Variants in CACNA1H observed in about 807,000 individuals in gnomAD.
The protein encoded by CACNA1H is calcium voltage-gated channel subunit alpha1 H.
A neutral mutation model predicts 192.5 loss-of-function variants in CACNA1H; 149 were observed. The ratio of observed to expected loss-of-function variants is 0.77; its 90% CI spans 0.68 to 0.89. The LOEUF is 0.89. CACNA1H is among the 40% of genes least tolerant of loss of function. The pLI is 0.00. For synonymous variants in CACNA1H, 2,202 were observed against 1,475.2 expected (o/e 1.49, Z -11.29); for missense variants, 4,257 against 3,423.5 (o/e 1.24, Z -6.08).
In CACNA1H at chr16:1,208,336, C is replaced by G. The variant is rs1276178321; in HGVS notation, c.3363+115C>G. On this transcript the variant is annotated intron_variant, in intron 16 of 34. Transcript: ENST00000348261. ...CGCACCCCCCACACCCTTGAAGTCC[C>G]AGCCTGTGCAGAGACTGAGAAAGAG... The G allele has an allele frequency of 4.1e-6, 3 of 730,066 alleles. No individual in the cohort carries two copies. The Admixed American group carries it at 8.1e-5, about 20-fold the overall frequency. The allele number at this position is 730,066 out of a possible 1,614,324, so 45.2% of individuals were successfully genotyped here.
At chr16:1,158,734 TG>T (rs1417505038) in intron 2 of CACNA1H, among the ~76,000 whole-genome samples, 2 of 152,102 alleles carry the variant, frequency 1.3e-5, no homozygotes, top group East Asian at 3.9e-4. Flanking sequence ...CATGTGACCT[TG>T]GTGCTCTTGG....
intron 27 of CACNA1H, among the ~76,000 whole-genome samples, chr16:1,214,664 G>A (rs989164574): frequency 2.0e-5 from 3 of 152,200 alleles, no homozygotes; most frequent in East Asian, 1.9e-4. Flanking sequence ...GTGCACAGAC[G>A]GCTGCAGGGT....
chr16:1,185,683 C>G (rs1346706242), intron 2 of CACNA1H, among the ~76,000 whole-genome samples: 226 of 15,162 alleles, frequency 0.015, 10 homozygotes, highest in Non-Finnish European at 0.032. Flanking sequence ...GGGGTGTGTA[C>G]GGGGCGGGTG....
rs765008315 is a variant in CACNA1H at position 1,220,435 on chromosome 16, C to T, written c.6503C>T (p.Ala2168Val). The change falls in exon 35 of 35, where the codon GCG (alanine) becomes GTG (valine). Residue 2168 changes from alanine (A) to valine (V), a missense_variant. Ala to Val is a moderately conservative substitution (Grantham distance 64). Coordinates refer to ENST00000348261, the MANE Select transcript of CACNA1H (RefSeq NM_021098.3). ...AELGSGEPGEAKAWGPEAEPA... is the reference protein window; with the variant it reads ...AELGSGEPGEVKAWGPEAEPA... ...CTGGGCAGCGGGGAGCCTGGGGAGG[C>T]GAAGGCCTGGGGCCCTGAGGCCGAG... 2.0e-5 allele frequency: 31 copies of T among 1,535,648 alleles called. No individual in the cohort carries two copies. Among genetic ancestry groups the T allele is most frequent in the African/African-American group, 5.6e-5 (4 of 71,156 alleles).
chr16:1,200,686 C>G (rs780717105), intron 7 of CACNA1H, 30 bp from the exon 8 acceptor site: 1 of 1,563,356 alleles, frequency 6.4e-7, no homozygotes, highest in Non-Finnish European at 8.7e-7. Context: ...AGGGGTCGTG[C>G]GGGCCCAAGT....
intron 2 of CACNA1H, among the ~76,000 whole-genome samples, chr16:1,182,514 C>T (rs1965577732): frequency 6.6e-6 from 1 of 152,142 alleles, no homozygotes; most frequent in South Asian, 2.1e-4. Flanking sequence ...TGGAGACAAA[C>T]ACTCCATGTT....
chr16:1,156,297 G>C (rs541720888), intron 2 of CACNA1H, among the ~76,000 whole-genome samples: 1 of 152,246 alleles, frequency 6.6e-6, no homozygotes, highest in South Asian at 2.1e-4. Flanking sequence ...AACGCCCGTC[G>C]GTCAGGTGGA....
At position 1,200,196 on chromosome 16, in the gene CACNA1H, C is replaced by T. The variant is rs186613140; in HGVS notation, c.804-60C>T. ...ACGTCCCTGATCACAATCGTGCCCC[C>T]GACTCTGACCGTCCCTGACCCTGAT... is the stretch of plus-strand genomic sequence containing the variant. On this transcript the variant is annotated intron_variant, in intron 6 of 34. Coordinates refer to ENST00000348261, the MANE Select transcript of CACNA1H (RefSeq NM_021098.3). 72 of 1,402,404 alleles carry T rather than the reference C, an allele frequency of 5.1e-5. No individual in the cohort carries two copies. In the Admixed American group the frequency reaches 5.3e-4, roughly 10 times the overall value. The allele number at this position is 1,402,404 out of a possible 1,614,324, so 86.9% of individuals were successfully genotyped here.
chr16:1,173,882 G>A (rs758610475), intron 2 of CACNA1H, among the ~76,000 whole-genome samples: 1 of 152,168 alleles, frequency 6.6e-6, no homozygotes, highest in South Asian at 2.1e-4. Flanking sequence ...CGTCACGTGG[G>A]GCTGTGGACA....
Position 1,207,385 on chromosome 16 carries a change from C to T in CACNA1H, c.3018C>T (p.Leu1006=), listed in dbSNP as rs754593896. The change falls in exon 14 of 35, where the codon CTC becomes CTT. Residue 1006 remains leucine (L), a synonymous_variant. Coordinates refer to ENST00000348261, the MANE Select transcript of CACNA1H (RefSeq NM_021098.3). Reference sequence around the variant, plus strand: ...TCATGACCTTCGGCAACTATGTGCTCTTCAACCTGCTGGTGGCCATCCTCG... The same window carrying T: ...TCATGACCTTCGGCAACTATGTGCTTTTCAACCTGCTGGTGGCCATCCTCG... The part of the protein sequence containing the change: ...VALMTFGNYV[L]FNLLVAILVE... The T allele has an allele frequency of 3.1e-6, 5 of 1,613,330 alleles. No homozygotes were observed. Among genetic ancestry groups the T allele is most frequent in the South Asian group, 1.1e-5 (1 of 91,070 alleles).
At chr16:1,186,350 C>T (rs1001472844) in intron 2 of CACNA1H, among the ~76,000 whole-genome samples, 2 of 152,000 alleles carry the variant, frequency 1.3e-5, no homozygotes, top group Non-Finnish European at 2.9e-5. Flanking sequence ...TCCAGCCTGC[C>T]GTGACCGCAC....
At chr16:1,209,951 G>T in intron 17 of CACNA1H, 84 bp from the exon 18 acceptor site, 3 of 1,007,274 alleles carry the variant, frequency 3.0e-6, no homozygotes, top group South Asian at 2.8e-5. Context: ...GCTGGGAGGG[G>T]TGGCCGAGCT....
rs915979572 is a variant in CACNA1H at position 1,217,767 on chromosome 16, G to T, written c.5324-152G>T. Among the ~76,000 whole-genome samples the T allele has an allele frequency of 1.3e-4, 20 of 152,352 alleles. No individual in the cohort carries two copies. The South Asian group carries it at 4.1e-3, about 32-fold the overall frequency. ...GACCTCACACCCAGGGTCACCCTCT[G>T]CCAGGCAGGGCGAACCGCCAGGGCC... is the stretch of plus-strand genomic sequence containing the variant. On this transcript the variant is annotated intron_variant, in intron 31 of 34. Transcript: ENST00000348261.
intron 2 of CACNA1H, among the ~76,000 whole-genome samples, chr16:1,161,045 C>T (rs998879907): frequency 1.3e-5 from 2 of 152,132 alleles, no homozygotes; most frequent in African/African-American, 4.8e-5. Flanking sequence ...TCCTCTGACC[C>T]CCAAGGTGTG....
At chr16:1,183,008 G>C (rs1172810969) in intron 2 of CACNA1H, among the ~76,000 whole-genome samples, 2 of 151,986 alleles carry the variant, frequency 1.3e-5, no homozygotes, top group Non-Finnish European at 1.5e-5. Context: ...TCCAGGGCTG[G>C]TACAGGTACC....
intron 12 of CACNA1H, chr16:1,206,648 G>T: frequency 2.4e-6 from 1 of 414,826 alleles, no homozygotes; most frequent in Non-Finnish European, 4.4e-6. Context: ...GGTCAGGGTC[G>T]GCTGGAGGCT....
At chr16:1,182,542 C>T (rs979864837) in intron 2 of CACNA1H, among the ~76,000 whole-genome samples, 7 of 152,144 alleles carry the variant, frequency 4.6e-5, no homozygotes, top group Non-Finnish European at 1.0e-4. Context: ...TGCCCGGGCT[C>T]CCCACCCCCA....
chr16:1,179,934 ACCAT>A (rs1369911692), intron 2 of CACNA1H, among the ~76,000 whole-genome samples: 1 of 151,178 alleles, frequency 6.6e-6, no homozygotes, highest in Non-Finnish European at 1.5e-5. Flanking sequence ...ACGGGGTTTC[ACCAT>A]CTTGGCCAGG....
At chr16:1,191,540 A>C (rs1737406) in intron 2 of CACNA1H, among the ~76,000 whole-genome samples, 4 of 30,022 alleles carry the variant, frequency 1.3e-4, no homozygotes, top group Non-Finnish European at 6.0e-5. Context: ...GTGTGGCCTC[A>C]GGCACACTCG....
Sources: gnomAD v4.1 joint callset for allele counts (sites outside exome capture counted in the v4.1 genomes callset) on GRCh38, gnomAD v4.1.1 for gene constraint, MANE v1.5 for transcripts, NCBI Gene and HGNC (gene_info 2026-07-23, HGNC 2026-07-21) for gene names.